The following GRIA2 variants were observed in gnomAD, a reference collection of about 807,000 sequenced individuals.
GRIA2 encodes glutamate receptor 2.
GRIA2 carries 14 observed loss-of-function variants against 97.3 expected under a neutral mutation model. The ratio of observed to expected loss-of-function variants is 0.14; its 90% confidence interval spans 0.10 to 0.23. GRIA2 has a LOEUF of 0.23. Ranked by LOEUF, GRIA2 falls within the 10% of genes least tolerant of loss-of-function variation. The probability of loss-of-function intolerance (pLI) is 1.00; values close to 1 mark genes in which losing one functional copy is unlikely to be tolerated. For missense variants in GRIA2, 558 were observed against 1,069.8 expected, an observed-to-expected ratio of 0.52 and a Z score of 6.67; for synonymous variants, 412 against 387.8, an observed-to-expected ratio of 1.06 and a Z score of -0.73.
chr4:157,343,793 A>G (rs1264541370), intron 12 of GRIA2, among the ~76,000 whole-genome samples: 1 of 152,136 alleles, frequency 6.6e-6, no homozygotes, highest in Non-Finnish European at 1.5e-5. Flanking sequence ...GAAATATATG[A>G]CACGGTTGCA....
At position 157,364,784 on chromosome 4, in the gene GRIA2, T is replaced by C. The variant is rs1341337408; in HGVS notation, c.*1353T>C. 2.0e-5 allele frequency: 3 copies of C among 152,098 alleles called. No individual in the cohort carries two copies. In the East Asian group the frequency reaches 5.8e-4, roughly 29 times the overall value. The allele number at this position is 152,098 out of a possible 1,614,324, so 9.4% of individuals were successfully genotyped here. Reference sequence around the variant, plus strand: ...TATGTTTGAGTCTCCTGCAATATAGTTTCATCCCATTGACATCAATTAAAA... The same window carrying C: ...TATGTTTGAGTCTCCTGCAATATAGCTTCATCCCATTGACATCAATTAAAA... On this transcript the variant is annotated 3_prime_UTR_variant, in exon 16 of 16. Transcript: ENST00000264426.
chr4:157,317,933 AC>A (rs775230456), intron 5 of GRIA2, among the ~76,000 whole-genome samples: 8 of 152,080 alleles, frequency 5.3e-5, no homozygotes, highest in Non-Finnish European at 1.0e-4. Context: ...CTGAGATCCC[AC>A]CATTGTACTC....
chr4:157,344,400 T>C (rs532466929), intron 12 of GRIA2, among the ~76,000 whole-genome samples: 1 of 152,060 alleles, frequency 6.6e-6, no homozygotes, highest in African/African-American at 2.4e-5. Context: ...CAGAACAGAG[T>C]GAAAGCTGAC....
At chr4:157,363,096 T>C (rs763879776) in intron 15 of GRIA2, 49 bp downstream of exon 15, 36 of 1,547,180 alleles carry the variant, frequency 2.3e-5, no homozygotes, top group Non-Finnish European at 3.2e-5. Context: ...TTTAGCTTTC[T>C]TGTTGCGTCC....
rs1037278210 is a variant in GRIA2, at chr4:157,320,523, C to T, written c.721-915C>T. Among the ~76,000 whole-genome samples, 2 of 151,966 alleles carry T rather than the reference C, an allele frequency of 1.3e-5. 1 individual carries two copies. Among genetic ancestry groups the T allele is most frequent in the Non-Finnish European group, 2.9e-5 (2 of 67,902 alleles). The stretch of plus-strand genomic sequence containing the variant: ...TACCTTTTTGCACTATTTGCATTAT[C>T]TTGATAAACAGAAACAAAATTGTGA... On this transcript the variant is annotated intron_variant, in intron 5 of 15. Coordinates refer to ENST00000264426, the MANE Select transcript of GRIA2 (RefSeq NM_001083619.3).
intron 2 of GRIA2, among the ~76,000 whole-genome samples, chr4:157,243,298 A>G (rs1391086232): frequency 6.6e-6 from 1 of 152,116 alleles, no homozygotes; most frequent in Non-Finnish European, 1.5e-5. Context: ...TAGGCAAAAC[A>G]GATAGCTTTT....
At chr4:157,279,634 A>T (rs1381893029) in intron 2 of GRIA2, among the ~76,000 whole-genome samples, 1 of 152,156 alleles carries the variant, frequency 6.6e-6, no homozygotes, top group Non-Finnish European at 1.5e-5. Flanking sequence ...CTATTTATAC[A>T]TAAGATAATT....
In GRIA2 at chr4:157,316,474, G is replaced by A. The variant is rs942932323; in HGVS notation, c.667-1184G>A. Among the ~76,000 whole-genome samples the A allele has an allele frequency of 3.3e-5, 5 of 152,026 alleles. No homozygotes were observed. In the East Asian group the frequency reaches 5.8e-4, roughly 18 times the overall value. Reference sequence around the variant, plus strand: ...CTCTGGAGCACCTGACTTTGTATCCGATTAGAGAAAGTCAGGGTAGTTTTC... The same window carrying A: ...CTCTGGAGCACCTGACTTTGTATCCAATTAGAGAAAGTCAGGGTAGTTTTC... On this transcript the variant is annotated intron_variant, in intron 4 of 15. Coordinates refer to ENST00000264426, the MANE Select transcript of GRIA2 (RefSeq NM_001083619.3).
chr4:157,264,275 T>C (rs949728624), intron 2 of GRIA2, among the ~76,000 whole-genome samples: 4 of 152,074 alleles, frequency 2.6e-5, no homozygotes, highest in Admixed American at 2.0e-4. Context: ...TGGGCTAAAA[T>C]TGAGGTGTCA....
At chr4:157,301,007 T>G (rs948884658) in intron 2 of GRIA2, among the ~76,000 whole-genome samples, 12 of 152,332 alleles carry the variant, frequency 7.9e-5, no homozygotes, top group African/African-American at 2.6e-4. Flanking sequence ...TCACAGAAGC[T>G]ATTTCACTTA....
chr4:157,346,949 A>G (rs1461116075), intron 12 of GRIA2, among the ~76,000 whole-genome samples: 1 of 152,190 alleles, frequency 6.6e-6, no homozygotes, highest in Non-Finnish European at 1.5e-5. Context: ...ACTGAATTGA[A>G]AAAGCATCCT....
At chr4:157,223,688 C>T (rs1290253316) in intron 2 of GRIA2, among the ~76,000 whole-genome samples, 3 of 152,072 alleles carry the variant, frequency 2.0e-5, no homozygotes, top group Non-Finnish European at 4.4e-5. Context: ...TCCTAAGGAA[C>T]GGCTGTGGGT....
At chr4:157,275,450 A>G (rs1354656373) in intron 2 of GRIA2, among the ~76,000 whole-genome samples, 1 of 152,204 alleles carries the variant, frequency 6.6e-6, no homozygotes, top group African/African-American at 2.4e-5. Context: ...GCCCATGCCT[A>G]TGACCTGAAT....
At chr4:157,308,763 G>A (rs1733949629) in intron 3 of GRIA2, among the ~76,000 whole-genome samples, 1 of 152,106 alleles carries the variant, frequency 6.6e-6, no homozygotes, top group Non-Finnish European at 1.5e-5. Flanking sequence ...TTGTGTGGAA[G>A]GAATAGAGGC....
At chr4:157,254,484 C>A (rs1731154698) in intron 2 of GRIA2, among the ~76,000 whole-genome samples, 1 of 151,946 alleles carries the variant, frequency 6.6e-6, no homozygotes, top group Non-Finnish European at 1.5e-5. Context: ...TATCCATAGT[C>A]TATAGTCCGG....
At chr4:157,223,104 C>G (rs889994741) in intron 2 of GRIA2, among the ~76,000 whole-genome samples, 1 of 152,188 alleles carries the variant, frequency 6.6e-6, no homozygotes, top group African/African-American at 2.4e-5. Context: ...GCAGTTTTCC[C>G]ACGTCACACA....
At chr4:157,283,488 G>A (rs1732701047) in intron 2 of GRIA2, among the ~76,000 whole-genome samples, 1 of 151,902 alleles carries the variant, frequency 6.6e-6, no homozygotes, top group Admixed American at 6.6e-5. Context: ...ATATAGTAAT[G>A]CTTACTTAGC....
chr4:157,334,195 T>A, intron 9 of GRIA2, 75 bp downstream of exon 9: 2 of 766,560 alleles, frequency 2.6e-6, no homozygotes, highest in Non-Finnish European at 2.4e-6. Context: ...CTATTTATAT[T>A]TTAGGAGAAT....
chr4:157,261,770 A>AT (rs563121089), intron 2 of GRIA2, among the ~76,000 whole-genome samples: 8 of 151,836 alleles, frequency 5.3e-5, no homozygotes, highest in East Asian at 1.9e-4. Context: ...GGTGTTTAGT[A>AT]TTTTTTTTGA....
Sources: gnomAD v4.1 joint callset for allele counts (sites outside exome capture counted in the v4.1 genomes callset) on GRCh38, gnomAD v4.1.1 for gene constraint, MANE v1.5 for transcripts, NCBI Gene and HGNC (gene_info 2026-07-23, HGNC 2026-07-21) for gene names.